The following GPHN variants were observed in gnomAD, a reference collection of about 807,000 sequenced individuals.
The protein encoded by GPHN is gephyrin.
GPHN carries 17 observed loss-of-function variants against 95.5 expected under a neutral mutation model. The observed-to-expected ratio is 0.18, with a 90% CI of 0.12 to 0.27. The LOEUF is 0.27. Ranked by LOEUF, GPHN falls within the 10% of genes least tolerant of loss-of-function variation. The probability of loss-of-function intolerance (pLI) is 1.00; values close to 1 mark genes in which losing one functional copy is unlikely to be tolerated. For missense variants in GPHN, 660 were observed against 978.1 expected (o/e 0.67, Z 4.34); for synonymous variants, 320 against 322.5 (o/e 0.99, Z 0.08).
chr14:66,932,480 T>TTTC, intron 8 of GPHN, among the ~76,000 whole-genome samples: 1 of 141,638 alleles, frequency 7.1e-6, no homozygotes, highest in Non-Finnish European at 1.5e-5. Flanking sequence ...TTTTTTTTTT[T>TTTC]CAGTGCAGCA....
In GPHN at chr14:66,669,501, T is replaced by C. The variant is rs948405328; in HGVS notation, c.65-11606T>C. ...CTTGAATCTCTATATTGAGTTGTTA[T>C]TTTTTTTTAAATGTATCCTATCCTT... On this transcript the variant is annotated intron_variant, in intron 1 of 22. Coordinates refer to ENST00000478722, the MANE Select transcript of GPHN (RefSeq NM_020806.5). Among the ~76,000 whole-genome samples the C allele has an allele frequency of 2.9e-4, 22 of 75,816 alleles. No individual in the cohort carries two copies. In the African/African-American group the frequency reaches 4.0e-3, roughly 14 times the overall value. The allele number at this position is 75,816 out of a possible 152,430, so 49.7% of individuals were successfully genotyped here.
chr14:67,199,050 A>T, the GPHN span: 1 of 754,764 alleles, frequency 1.3e-6, no homozygotes, highest in Non-Finnish European at 2.4e-6. Context: ...GGATGGCAGG[A>T]GCTCTTTTGC....
At chr14:66,832,703 C>A (rs2061626533) in intron 4 of GPHN, among the ~76,000 whole-genome samples, 2 of 151,768 alleles carry the variant, frequency 1.3e-5, no homozygotes, top group African/African-American at 4.8e-5. Context: ...TTTATCAAAC[C>A]TAAAGCTAAA....
intron 1 of GPHN, among the ~76,000 whole-genome samples, chr14:66,611,827 G>C (rs897283025): frequency 1.2e-4 from 19 of 152,118 alleles, no homozygotes; most frequent in African/African-American, 3.1e-4. Context: ...ATCATTATCA[G>C]TTAGAGAGAC....
At chr14:67,103,103 A>G (rs2077810397) in intron 13 of GPHN, among the ~76,000 whole-genome samples, 1 of 152,120 alleles carries the variant, frequency 6.6e-6, no homozygotes, top group Admixed American at 6.5e-5. Context: ...TTCTTGAGAC[A>G]GAGTCTTGCT....
At chr14:67,113,641 G>A (rs1181055817) in intron 16 of GPHN, among the ~76,000 whole-genome samples, 3 of 151,990 alleles carry the variant, frequency 2.0e-5, no homozygotes, top group Non-Finnish European at 4.4e-5. Context: ...TAATCACTAA[G>A]AGGGATTTGA....
chr14:66,621,704 G>A (rs2063312494), intron 1 of GPHN, among the ~76,000 whole-genome samples: 1 of 152,204 alleles, frequency 6.6e-6, no homozygotes, highest in South Asian at 2.1e-4. Flanking sequence ...TTACAGGCGT[G>A]AGCCACCGCA....
chr14:67,376,611 C>T, the GPHN span: 2 of 1,605,228 alleles, frequency 1.2e-6, no homozygotes, highest in South Asian at 1.1e-5. Flanking sequence ...CTTCTTGACT[C>T]TCCTTCTACC....
the GPHN span, among the ~76,000 whole-genome samples, chr14:67,258,047 ATAGG>A: frequency 6.6e-6 from 1 of 151,952 alleles, no homozygotes; most frequent in African/African-American, 2.4e-5. Flanking sequence ...ATGTTTGGCA[ATAGG>A]TAGGTGTGGT....
chr14:67,592,798 A>C, the GPHN span: 1 of 926,380 alleles, frequency 1.1e-6, no homozygotes, highest in East Asian at 2.7e-5. Flanking sequence ...TTATTTATTT[A>C]TTTTTGAGAC....
At position 67,036,336 on chromosome 14, in the gene GPHN, GC is replaced by G. The variant is rs1027788500; in HGVS notation, c.1006+12663del. 8.0e-5 allele frequency among the ~76,000 whole-genome samples: 12 copies of G among 149,840 alleles called. No individual in the cohort carries two copies. The South Asian group carries it at 2.6e-3, about 32-fold the overall frequency. ...GAACAAAGCAAAGATGCTCATTTTT[GC>G]CACTTCTTTTTAGTATAATACTGGA... is the stretch of plus-strand genomic sequence containing the variant. On this transcript the variant is annotated intron_variant, in intron 10 of 22. Transcript: ENST00000478722.
chr14:67,392,518 G>A, the GPHN span: 4 of 1,245,546 alleles, frequency 3.2e-6, no homozygotes, highest in Non-Finnish European at 4.7e-6. Context: ...AATTCCTCAG[G>A]ACAGGAACCT....
the GPHN span, among the ~76,000 whole-genome samples, chr14:67,322,917 C>T: frequency 2.6e-5 from 4 of 152,098 alleles, no homozygotes; most frequent in Admixed American, 1.3e-4. Context: ...CAAACATAGT[C>T]TACTTTTTCT....
chr14:66,513,229 CAT>C (rs770383033), intron 1 of GPHN, among the ~76,000 whole-genome samples: 81 of 151,812 alleles, frequency 5.3e-4, no homozygotes, highest in South Asian at 1.2e-3. Context: ...ATTAAAAACA[CAT>C]GTGACAATTT....
chr14:66,657,261 C>T lies in GPHN; in HGVS notation c.65-23846C>T, dbSNP rs113602484. 3.6e-3 allele frequency among the ~76,000 whole-genome samples: 555 copies of T among 152,278 alleles called. 12 individuals are homozygous for T. The highest frequency in any genetic ancestry group is 0.013 in the African/African-American group (529 of 41,562). ...AAGGCTAAGTGAGGTGCAGAAGTTG[C>T]ACAAGAAAAGTTGGAAGCTAGCAGA... On this transcript the variant is annotated intron_variant, in intron 1 of 22. Transcript: ENST00000478722.
At chr14:66,739,538 TAAACA>T (rs1443282054) in intron 2 of GPHN, among the ~76,000 whole-genome samples, 1 of 150,364 alleles carries the variant, frequency 6.7e-6, no homozygotes, top group Non-Finnish European at 1.5e-5. Flanking sequence ...TTTTTTTTTT[TAAACA>T]AAACCATCAA....
intron 1 of GPHN, among the ~76,000 whole-genome samples, chr14:66,621,253 G>A (rs138676681): frequency 4.6e-4 from 67 of 146,844 alleles, no homozygotes; most frequent in African/African-American, 1.5e-3. Flanking sequence ...GGGATTACAG[G>A]CATGAGCCAC....
At chr14:66,871,593 G>C (rs919697650) in intron 4 of GPHN, among the ~76,000 whole-genome samples, 8 of 152,172 alleles carry the variant, frequency 5.3e-5, no homozygotes, top group African/African-American at 1.9e-4. Flanking sequence ...AGATAGATTG[G>C]CTTTGGAAAA....
the GPHN span, among the ~76,000 whole-genome samples, chr14:67,637,267 G>C: frequency 2.0e-5 from 3 of 151,884 alleles, no homozygotes; most frequent in East Asian, 5.8e-4. Context: ...AAAATTAGCT[G>C]GGCATGGTGG....
Sources: gnomAD v4.1 joint callset for allele counts (sites outside exome capture counted in the v4.1 genomes callset) on GRCh38, gnomAD v4.1.1 for gene constraint, MANE v1.5 for transcripts, NCBI Gene and HGNC (gene_info 2026-07-23, HGNC 2026-07-21) for gene names.